Variants in TENM4 observed in about 807,000 individuals in gnomAD.
The protein encoded by TENM4 is teneurin transmembrane protein 4.
Under a neutral mutation model 243.3 loss-of-function variants are expected in TENM4, and 82 were observed. The ratio of observed to expected loss-of-function variants is 0.34; its 90% CI spans 0.28 to 0.40. The LOEUF (loss-of-function observed/expected upper bound fraction) is 0.40, where lower values mean the gene tolerates loss of function less well. Ranked by LOEUF, TENM4 falls within the 10% of genes least tolerant of loss-of-function variation. The pLI, the probability that TENM4 is intolerant of heterozygous loss-of-function variation, is 1.00. For missense variants in TENM4, 3,138 were observed against 3,673.3 expected, an observed-to-expected ratio of 0.85 and a Z score of 3.77; for synonymous variants, 1,412 against 1,456.3, an observed-to-expected ratio of 0.97 and a Z score of 0.69.
chr11:79,409,028 T>G (rs553519033), intron 1 of TENM4, among the ~76,000 whole-genome samples: 2 of 151,860 alleles, frequency 1.3e-5, no homozygotes, highest in African/African-American at 2.4e-5. Context: ...TTCCTTTGCC[T>G]GAATTATAAA....
intron 4 of TENM4, among the ~76,000 whole-genome samples, chr11:79,138,945 A>G (rs1179852781): frequency 9.3e-6 from 1 of 107,496 alleles, no homozygotes; most frequent in East Asian, 2.4e-4. Flanking sequence ...TATAAAATAT[A>G]TATTATATTT....
At chr11:78,714,573 C>T (rs1171852716) in intron 25 of TENM4, among the ~76,000 whole-genome samples, 2 of 151,928 alleles carry the variant, frequency 1.3e-5, no homozygotes, top group Non-Finnish European at 1.5e-5. Flanking sequence ...ACCAACCTGC[C>T]ATTTCAATGC....
chr11:79,150,142 C>T (rs192633224), intron 3 of TENM4, among the ~76,000 whole-genome samples: 56 of 152,208 alleles, frequency 3.7e-4, no homozygotes, highest in African/African-American at 1.1e-3. Context: ...TCGGTTCAGC[C>T]TTCTTATCAT....
rs200261531 is a variant in TENM4, at chr11:78,664,274, A to AT, written c.7409-2684dup. ...AAATTACTGGATTTAATGTATTTTG[A>AT]TTTTTTTTTGAGATGGGATCTTGCT... On this transcript the variant is annotated intron_variant, in intron 32 of 33. Transcript: ENST00000278550. 6.0e-3 allele frequency among the ~76,000 whole-genome samples: 913 copies of AT among 151,524 alleles called. 3 individuals carry two copies. Among genetic ancestry groups the AT allele is most frequent in the Middle Eastern group, 0.01 (3 of 294 alleles).
chr11:78,715,498 T>C (rs1859501391), intron 25 of TENM4, among the ~76,000 whole-genome samples: 1 of 152,090 alleles, frequency 6.6e-6, no homozygotes, highest in Non-Finnish European at 1.5e-5. Flanking sequence ...TCATGTGGAG[T>C]TTCTCAGATC....
At chr11:78,819,624 T>A (rs1467389591) in intron 12 of TENM4, among the ~76,000 whole-genome samples, 1 of 152,114 alleles carries the variant, frequency 6.6e-6, no homozygotes, top group Non-Finnish European at 1.5e-5. Flanking sequence ...GACTCCAGCA[T>A]CAAAGACAGA....
chr11:79,289,869 G>A (rs529946409), intron 2 of TENM4, among the ~76,000 whole-genome samples: 22 of 152,232 alleles, frequency 1.4e-4, no homozygotes, highest in African/African-American at 5.1e-4. Flanking sequence ...TTTTTCCCTT[G>A]GTGGCAAGGT....
intron 6 of TENM4, among the ~76,000 whole-genome samples, chr11:79,059,380 T>C (rs950426058): frequency 6.6e-6 from 1 of 152,134 alleles, no homozygotes; most frequent in African/African-American, 2.4e-5. Context: ...ATGCATAACA[T>C]GAGTGGAATG....
chr11:79,138,295 C>T (rs1318302319), intron 4 of TENM4, among the ~76,000 whole-genome samples: 6 of 124,166 alleles, frequency 4.8e-5, no homozygotes, highest in African/African-American at 2.0e-4. Flanking sequence ...TGAGTTAATA[C>T]TTAATAAACT....
intron 26 of TENM4, among the ~76,000 whole-genome samples, chr11:78,710,633 T>G (rs1859376054): frequency 6.6e-6 from 1 of 152,270 alleles, no homozygotes; most frequent in Non-Finnish European, 1.5e-5. Context: ...TAGTTGGGTT[T>G]CTTGTTTACA....
intron 27 of TENM4, among the ~76,000 whole-genome samples, chr11:78,704,196 T>TC (rs1859188295): frequency 6.9e-6 from 1 of 144,946 alleles, no homozygotes; most frequent in Non-Finnish European, 1.5e-5. Context: ...TATATATATT[T>TC]GTAGAGACAG....
Position 78,701,744 on chromosome 11 carries a change from G to T in TENM4, c.4869C>A (p.Asp1623Glu). 6.2e-7 allele frequency: 1 copy of T among 1,614,024 alleles called. No individual in the cohort carries two copies. The highest frequency in any genetic ancestry group is 1.1e-5 in the South Asian group (1 of 91,084). ...TGDGDITLIT[D>E]NNGNMVNVRR... ...GGACATTTACCATGTTGCCATTGTT[G>T]TCTGTGATGAGTGTGATGTCGCCGT... is the stretch of plus-strand genomic sequence containing the variant. Residue 1623 changes from aspartate to glutamate, a missense_variant, in exon 28 of 34, where the codon GAC (aspartate) becomes GAA (glutamate). This residue lies in a region of TENM4 where 2,467 missense variants were observed against 3,059.1 expected (regional missense o/e 0.81). Transcript: ENST00000278550.
chr11:79,361,853 T>C (rs1289704181), intron 1 of TENM4, among the ~76,000 whole-genome samples: 3 of 152,162 alleles, frequency 2.0e-5, no homozygotes, highest in Non-Finnish European at 4.4e-5. Flanking sequence ...AAGAATAGAC[T>C]ATTCAGTAAA....
intron 1 of TENM4, among the ~76,000 whole-genome samples, chr11:79,427,562 C>G (rs1859079764): frequency 1.3e-5 from 2 of 151,994 alleles, no homozygotes; most frequent in African/African-American, 4.8e-5. Context: ...TACATAGAAA[C>G]AATACTGGAA....
intron 19 of TENM4, among the ~76,000 whole-genome samples, chr11:78,754,984 C>G (rs1331235519): frequency 6.6e-6 from 1 of 152,168 alleles, no homozygotes; most frequent in Non-Finnish European, 1.5e-5. Flanking sequence ...TGCAGGGGCT[C>G]CTTCCCGAGT....
chr11:78,965,523 T>C (rs1024679391), intron 6 of TENM4, among the ~76,000 whole-genome samples: 4 of 152,228 alleles, frequency 2.6e-5, no homozygotes, highest in Admixed American at 6.5e-5. Context: ...AGAAACATGA[T>C]ATGTTGTTTC....
chr11:79,036,566 G>A (rs777227488), intron 6 of TENM4, among the ~76,000 whole-genome samples: 18 of 152,324 alleles, frequency 1.2e-4, no homozygotes, highest in Middle Eastern at 6.8e-3. Context: ...GAGCAGTAGT[G>A]AGGGGCTTTA....
At chr11:79,330,847 G>T (rs538314152) in intron 1 of TENM4, among the ~76,000 whole-genome samples, 1 of 152,302 alleles carries the variant, frequency 6.6e-6, no homozygotes, top group South Asian at 2.1e-4. Flanking sequence ...AGCGCCTGGG[G>T]CCACCGCAGA....
chr11:78,925,874 C>T (rs747101580), intron 6 of TENM4, among the ~76,000 whole-genome samples: 12 of 150,032 alleles, frequency 8.0e-5, no homozygotes, highest in Non-Finnish European at 1.3e-4. Context: ...AAGCAATTAA[C>T]AACTCCAAGA....
Sources: allele counts gnomAD v4.1 joint callset (sites outside exome capture counted in the v4.1 genomes callset), GRCh38; gene constraint gnomAD v4.1.1; regional missense constraint gnomAD v4.1.1; transcripts MANE v1.5; gene names NCBI Gene and HGNC (gene_info 2026-07-23, HGNC 2026-07-21).